MYH10: variants seen among roughly 807,000 people sequenced by gnomAD.
MYH10 encodes myosin-10.
A neutral mutation model predicts 257.8 loss-of-function variants in MYH10; 55 were observed. The ratio of observed to expected loss-of-function variants is 0.21; its 90% confidence interval spans 0.17 to 0.27. The LOEUF is 0.27. MYH10 is among the 10% of genes least tolerant of loss of function. MYH10 has a pLI of 1.00. For missense variants in MYH10, 1,631 were observed against 2,500.6 expected (o/e 0.65, Z 7.42); for synonymous variants, 854 against 921.7 (o/e 0.93, Z 1.33).
intron 7 of MYH10, among the ~76,000 whole-genome samples, chr17:8,554,512 T>C (rs1207706555): frequency 1.9e-5 from 2 of 105,292 alleles, no homozygotes; most frequent in African/African-American, 6.2e-5. Flanking sequence ...ATTAGTCTTA[T>C]GAAACAATTT....
chr17:8,579,792 C>T (rs1389627146), intron 4 of MYH10, among the ~76,000 whole-genome samples: 2 of 152,112 alleles, frequency 1.3e-5, no homozygotes, highest in Admixed American at 1.3e-4. Flanking sequence ...TTATTAAATC[C>T]ATCTGTTGTT....
chr17:8,536,430 T>G (rs1007055857), intron 14 of MYH10, among the ~76,000 whole-genome samples: 8 of 152,234 alleles, frequency 5.3e-5, no homozygotes, highest in Admixed American at 1.3e-4. Context: ...AAACTATTAT[T>G]AAGTAGAATA....
chr17:8,554,899 A>C (rs2082740334), intron 7 of MYH10, among the ~76,000 whole-genome samples: 1 of 151,842 alleles, frequency 6.6e-6, no homozygotes, highest in Non-Finnish European at 1.5e-5. Flanking sequence ...GTTGCAGTGA[A>C]CTGAGATCGC....
In MYH10 at chr17:8,480,026, G is replaced by GCC. The variant is rs3215073; in HGVS notation, c.5597+82_5597+83dup. 459 of 1,341,056 alleles carry GCC rather than the reference G, an allele frequency of 3.4e-4. 1 individual carries two copies. The highest frequency in any genetic ancestry group is 5.1e-4 in the East Asian group (22 of 43,444). The allele number at this position is 1,341,056 out of a possible 1,614,324, so 83.1% of individuals were successfully genotyped here. ...GTGTTCTCTGCCCACGTGGTGGGGA[G>GCC]CCCCCCCGAAAGGGGCATGCCTGTT... is the stretch of plus-strand genomic sequence containing the variant. On this transcript the variant is annotated intron_variant, in intron 40 of 42. Coordinates refer to ENST00000360416, the MANE Select transcript of MYH10 (RefSeq NM_001256012.3).
rs149629772 is a variant in MYH10, at chr17:8,517,451, G to A, written c.2504+1180C>T. 5.2e-3 allele frequency among the ~76,000 whole-genome samples: 787 copies of A among 152,142 alleles called. 10 individuals are homozygous for A. Among genetic ancestry groups the A allele is most frequent in the African/African-American group, 0.018 (738 of 41,436 alleles). On this transcript the variant is annotated intron_variant, in intron 21 of 42. Coordinates refer to ENST00000360416, the MANE Select transcript of MYH10 (RefSeq NM_001256012.3). ...GATTCTGTTTGCTCAAAACTGTCTGGATGGCAAACTATTCAACCTGTCTCA... is the reference window on the plus strand; with the variant it reads ...GATTCTGTTTGCTCAAAACTGTCTGAATGGCAAACTATTCAACCTGTCTCA...
rs571783158 is a variant in MYH10 at position 8,604,084 on chromosome 17, G to A, written c.502+742C>T. 2.1e-4 allele frequency among the ~76,000 whole-genome samples: 32 copies of A among 151,962 alleles called. No individual in the cohort carries two copies. In the South Asian group the frequency reaches 6.7e-3, roughly 32 times the overall value. On this transcript the variant is annotated intron_variant, in intron 3 of 42. Coordinates refer to ENST00000360416, the MANE Select transcript of MYH10 (RefSeq NM_001256012.3). ...GCCCGTTTTCTGAAGATTGTGGAAC[G>A]ATTTTATAAGAACCTTATGCTTTTT...
intron 3 of MYH10, 50 bp downstream of exon 3, chr17:8,604,776 A>G: frequency 7.7e-7 from 1 of 1,305,692 alleles, no homozygotes; most frequent in Non-Finnish European, 1.0e-6. Context: ...AAAACAGTAA[A>G]TTACATTTAA....
Position 8,504,726 on chromosome 17 carries a change from C to T in MYH10, c.3567G>A (p.Thr1189=), listed in dbSNP as rs760802261. 6.8e-6 allele frequency: 11 copies of T among 1,614,046 alleles called. No individual in the cohort carries two copies. Among genetic ancestry groups the T allele is most frequent in the Admixed American group, 5.0e-5 (3 of 60,008 alleles). ...LEALKTELED[T]LDTTAAQQEL... ...CCTGCTGGGCTGCCGTGGTGTCCAG[C>T]GTGTCCTCCAGCTCTGTTTTCAGAG... Residue 1189 remains threonine, a synonymous_variant, in exon 28 of 43, where the codon ACG becomes ACA. Coordinates refer to ENST00000360416, the MANE Select transcript of MYH10 (RefSeq NM_001256012.3). This position sits in a 1 kb window ranked among gnomAD's most constrained non-coding sequence, Gnocchi z 5.6.
intron 4 of MYH10, among the ~76,000 whole-genome samples, chr17:8,580,758 A>G (rs2083674337): frequency 6.6e-6 from 1 of 152,160 alleles, no homozygotes; most frequent in South Asian, 2.1e-4. Flanking sequence ...ATCAACTTCT[A>G]TGTGTCAGGC....
At chr17:8,556,216 C>T (rs1006511428) in intron 7 of MYH10, among the ~76,000 whole-genome samples, 6 of 152,222 alleles carry the variant, frequency 3.9e-5, no homozygotes, top group African/African-American at 9.6e-5. Flanking sequence ...CAGTTTCTCA[C>T]GGCGTCAAAC....
At chr17:8,557,830 A>G (rs1374226719) in intron 7 of MYH10, among the ~76,000 whole-genome samples, 1 of 152,252 alleles carries the variant, frequency 6.6e-6, no homozygotes, top group Non-Finnish European at 1.5e-5. Flanking sequence ...CACACGTGAC[A>G]GTGAAAGTCG....
At chr17:8,554,174 T>A (rs2082719823) in intron 7 of MYH10, 156 bp from the exon 8 acceptor site, 4 of 468,862 alleles carry the variant, frequency 8.5e-6, no homozygotes, top group Non-Finnish European at 1.5e-5. Context: ...GAAAACAGGC[T>A]GTGATACATT....
intron 36 of MYH10, among the ~76,000 whole-genome samples, chr17:8,485,177 C>A (rs956133777): frequency 2.0e-5 from 3 of 151,994 alleles, no homozygotes; most frequent in Admixed American, 2.0e-4. Context: ...GATCAACATA[C>A]AAACATCAAT....
At chr17:8,616,432 AAATT>A (rs1328545024) in intron 2 of MYH10, among the ~76,000 whole-genome samples, 1 of 152,204 alleles carries the variant, frequency 6.6e-6, no homozygotes, top group Non-Finnish European at 1.5e-5. Flanking sequence ...CAATATACAA[AAATT>A]AATTGTAAAA....
In MYH10 at chr17:8,481,305, G is replaced by T. The variant is rs377143966; in HGVS notation, c.5264+17C>A. The T allele has an allele frequency of 6.2e-7, 1 of 1,612,520 alleles. No individual in the cohort carries two copies. ...GCCTGAGGGCGAAGAACCCACCCCC[G>T]GCCGTGGGAGACTCACTTGCCAGAG... On this transcript the variant is annotated intron_variant, in intron 38 of 42. Coordinates refer to ENST00000360416, the MANE Select transcript of MYH10 (RefSeq NM_001256012.3).
chr17:8,493,904 G>A lies in MYH10; in HGVS notation c.4057-19C>T, dbSNP rs1384856453. 6.3e-7 allele frequency: 1 copy of A among 1,588,082 alleles called. No homozygotes were observed. Among genetic ancestry groups the A allele is most frequent in the Non-Finnish European group, 8.5e-7 (1 of 1,171,638 alleles). On this transcript the variant is annotated intron_variant, in intron 31 of 42. Coordinates refer to ENST00000360416, the MANE Select transcript of MYH10 (RefSeq NM_001256012.3). ...GAAGCTCCTGTGTTTTTTTTTTAAA[G>A]GGCAACACTTCCATTACATTTATCA...
intron 14 of MYH10, among the ~76,000 whole-genome samples, chr17:8,539,440 C>T (rs975539515): frequency 9.2e-5 from 14 of 152,124 alleles, no homozygotes; most frequent in Admixed American, 6.5e-4. Context: ...TAGAGTCATA[C>T]CCAGGAACCA....
At position 8,515,581 on chromosome 17, in the gene MYH10, C is replaced by T. The variant is rs529362939; in HGVS notation, c.2505-1687G>A. On this transcript the variant is annotated intron_variant, in intron 21 of 42. Transcript: ENST00000360416. Reference sequence around the variant, plus strand: ...TTTTTGAGACAGAGTCTTGCTCTGTCGCCCAGGCTGGAGTGCAGTGGTGCA... The same window carrying T: ...TTTTTGAGACAGAGTCTTGCTCTGTTGCCCAGGCTGGAGTGCAGTGGTGCA... 6.0e-4 allele frequency among the ~76,000 whole-genome samples: 70 copies of T among 115,842 alleles called. 1 individual carries two copies. Among genetic ancestry groups the T allele is most frequent in the African/African-American group, 2.1e-3 (64 of 31,052 alleles). The allele number at this position is 115,842 out of a possible 152,430, so 76.0% of individuals were successfully genotyped here.
chr17:8,490,795 A>G lies in MYH10; in HGVS notation c.4672-243T>C, dbSNP rs1327108250. 6.6e-6 allele frequency among the ~76,000 whole-genome samples: 1 copy of G among 152,176 alleles called. No homozygotes were observed. The highest frequency in any genetic ancestry group is 2.4e-5 in the African/African-American group (1 of 41,434). ...CTTTATTCCCACGTGTTCTCTGGTCATCCTCCTCTGATGACCTTTAAGCTG... is the reference window on the plus strand; with the variant it reads ...CTTTATTCCCACGTGTTCTCTGGTCGTCCTCCTCTGATGACCTTTAAGCTG... On this transcript the variant is annotated intron_variant, in intron 34 of 42. Coordinates refer to ENST00000360416, the MANE Select transcript of MYH10 (RefSeq NM_001256012.3). This position sits in a 1 kb window ranked among gnomAD's most constrained non-coding sequence, Gnocchi z 4.1.
Sources: gnomAD v4.1 joint callset for allele counts (sites outside exome capture counted in the v4.1 genomes callset) on GRCh38, gnomAD v4.1.1 for gene constraint, Gnocchi (gnomAD v3.1) non-coding constraint, MANE v1.5 for transcripts, NCBI Gene and HGNC (gene_info 2026-07-23, HGNC 2026-07-21) for gene names.